RGPD2: variants seen among roughly 807,000 people sequenced by gnomAD.
RGPD2 encodes the protein RANBP2 like and GRIP domain containing 2, also known as RANBP2-like and GRIP domain-containing protein 2.
Under a neutral mutation model 36.0 loss-of-function variants are expected in RGPD2, and 2 were observed. The ratio of observed to expected loss-of-function variants is 0.06; its 90% CI spans 0.02 to 0.17. RGPD2 has a LOEUF of 0.17. Among genes scored for constraint, RGPD2 ranks in the 10% least tolerant of loss-of-function variants. The pLI, the probability that RGPD2 is intolerant of heterozygous loss-of-function variation, is 1.00. For synonymous variants in RGPD2, 19 were observed against 163.8 expected (o/e 0.12, Z 6.75); for missense variants, 40 against 464.3 (o/e 0.09, Z 8.40).
chr2:87,983,341 G>A, the RGPD2 span, among the ~76,000 whole-genome samples: 363 of 148,310 alleles, frequency 2.4e-3, 1 homozygote, highest in African/African-American at 8.5e-3. Flanking sequence ...GAAAGGAAAA[G>A]AAAATTGTCC....
the RGPD2 span, among the ~76,000 whole-genome samples, chr2:87,883,584 T>A: frequency 6.6e-6 from 1 of 151,732 alleles, no homozygotes; most frequent in Non-Finnish European, 1.5e-5. Flanking sequence ...CATCTCAACC[T>A]AAAGGCCACT....
chr2:87,847,643 T>C, the RGPD2 span, among the ~76,000 whole-genome samples: 1 of 151,538 alleles, frequency 6.6e-6, no homozygotes, highest in Non-Finnish European at 1.5e-5. Context: ...GGACCACAGG[T>C]GCATGCCATC....
the RGPD2 span, among the ~76,000 whole-genome samples, chr2:87,961,469 G>A: frequency 6.6e-6 from 1 of 151,918 alleles, no homozygotes; most frequent in Non-Finnish European, 1.5e-5. Context: ...GGGAGGCCGA[G>A]GCGGGCGGAT....
the RGPD2 span, among the ~76,000 whole-genome samples, chr2:87,988,833 G>T: frequency 5.6e-3 from 855 of 151,924 alleles, 21 homozygotes; most frequent in Admixed American, 0.046. Flanking sequence ...GAGCCACCAT[G>T]CCCAGCAGGC....
At chr2:87,988,825 G>A in the RGPD2 span, among the ~76,000 whole-genome samples, 42 of 151,870 alleles carry the variant, frequency 2.8e-4, no homozygotes, top group African/African-American at 9.9e-4. Flanking sequence ...ACAGGTGTGA[G>A]CCACCATGCC....
the RGPD2 span, among the ~76,000 whole-genome samples, chr2:87,870,151 T>A: frequency 3.3e-5 from 5 of 152,306 alleles, no homozygotes; most frequent in African/African-American, 7.2e-5. Flanking sequence ...ATCATTTTTT[T>A]AAATGTTATG....
intron 1 of RGPD2, among the ~76,000 whole-genome samples, chr2:87,822,069 C>G (rs1340643963): frequency 6.6e-6 from 1 of 152,110 alleles, no homozygotes; most frequent in African/African-American, 2.4e-5. Context: ...AGCTGCTGTT[C>G]TCAACAAACC....
chr2:87,807,380 G>GTCTTTT (rs1325349308), intron 6 of RGPD2, among the ~76,000 whole-genome samples: 26 of 81,924 alleles, frequency 3.2e-4, no homozygotes, highest in African/African-American at 1.5e-3. Flanking sequence ...GCGTTAAATT[G>GTCTTTT]TTTTTTTTTT....
At position 87,825,696 on chromosome 2, in the gene RGPD2, G is replaced by A. The variant is rs980896049; in HGVS notation, c.34C>T (p.Leu12Phe). Residue 12 changes from leucine (L) to phenylalanine (F), a missense_variant, in exon 1 of 23, where the codon CTC (leucine) becomes TTC (phenylalanine). Physicochemically the swap from Leu to Phe is conservative, Grantham distance 22. Coordinates refer to ENST00000398146, the MANE Select transcript of RGPD2 (RefSeq NM_001078170.3). ...GGGGCGGAGCCCTGCACCGAGGCGA[G>A]GTACCGCTCCCCGTAGGCTTTGCTG... is the stretch of plus-strand genomic sequence containing the variant. ...RRSKAYGERY[L>F]ASVQGSAPSP... 3.2e-6 allele frequency: 5 copies of A among 1,583,940 alleles called. No individual in the cohort carries two copies. The highest frequency in any genetic ancestry group is 3.4e-6 in the Non-Finnish European group (4 of 1,164,596).
the RGPD2 span, among the ~76,000 whole-genome samples, chr2:87,960,250 C>T: frequency 6.7e-6 from 1 of 148,322 alleles, no homozygotes; most frequent in South Asian, 2.2e-4. Flanking sequence ...CAGATCTTCT[C>T]TATAAGATAT....
chr2:87,830,964 C>T, the RGPD2 span, among the ~76,000 whole-genome samples: 1 of 152,180 alleles, frequency 6.6e-6, no homozygotes, highest in South Asian at 2.1e-4. Flanking sequence ...TAGAAAAAGA[C>T]CTACAGCACA....
the RGPD2 span, among the ~76,000 whole-genome samples, chr2:87,940,368 T>G: frequency 1.3e-5 from 2 of 151,034 alleles, no homozygotes; most frequent in African/African-American, 4.9e-5. Flanking sequence ...GACCCTGAAT[T>G]ATCACTTCCC....
the RGPD2 span, among the ~76,000 whole-genome samples, chr2:87,836,339 A>G: frequency 5.3e-5 from 8 of 151,772 alleles, no homozygotes; most frequent in South Asian, 1.7e-3. Context: ...GGAAGGAAGG[A>G]AGGAAAAAAA....
the RGPD2 span, among the ~76,000 whole-genome samples, chr2:87,966,545 C>T: frequency 6.6e-6 from 1 of 151,240 alleles, no homozygotes. Flanking sequence ...AATGTCTGTG[C>T]TTTTGTGACA....
the RGPD2 span, among the ~76,000 whole-genome samples, chr2:87,927,563 T>A: frequency 9.8e-4 from 148 of 151,306 alleles, no homozygotes; most frequent in Middle Eastern, 3.4e-3. Context: ...GTCCTTACAT[T>A]TTTTTTATTC....
the RGPD2 span, among the ~76,000 whole-genome samples, chr2:87,983,169 A>G: frequency 1.3e-5 from 2 of 151,654 alleles, no homozygotes; most frequent in Non-Finnish European, 2.9e-5. Context: ...AAAATACAGA[A>G]ATTAGCCAGG....
chr2:87,989,619 T>C, the RGPD2 span: 1 of 546,138 alleles, frequency 1.8e-6, no homozygotes. Context: ...TTGTCATTTT[T>C]CAGACAAAAT....
the RGPD2 span, among the ~76,000 whole-genome samples, chr2:87,854,775 AT>A: frequency 1.3e-5 from 2 of 152,064 alleles, no homozygotes; most frequent in African/African-American, 4.8e-5. Context: ...TTATTCACCT[AT>A]TGAAGGACAT....
chr2:87,940,064 A>G, the RGPD2 span, among the ~76,000 whole-genome samples: 1 of 151,934 alleles, frequency 6.6e-6, no homozygotes, highest in East Asian at 1.9e-4. Flanking sequence ...TAAAGATGGC[A>G]CAACAAGTGT....
Sources: allele counts gnomAD v4.1 joint callset (sites outside exome capture counted in the v4.1 genomes callset), GRCh38; gene constraint gnomAD v4.1.1; transcripts MANE v1.5; gene names NCBI Gene and HGNC (gene_info 2026-07-23, HGNC 2026-07-21).